Variants in SLC2A14 observed in about 807,000 individuals in gnomAD.
The protein encoded by SLC2A14 is solute carrier family 2, facilitated glucose transporter member 14.
A neutral mutation model predicts 43.0 loss-of-function variants in SLC2A14; 13 were observed. That is an observed-to-expected ratio of 0.30 (90% CI 0.20 to 0.48). The LOEUF is 0.48. Among genes scored for constraint, SLC2A14 ranks in the 20% least tolerant of loss-of-function variants. The pLI is 0.99. For synonymous variants in SLC2A14, 190 were observed against 233.8 expected (o/e 0.81, Z 1.71); for missense variants, 428 against 620.4 (o/e 0.69, Z 3.29).
chr12:7,834,829 G>A (rs1325195690), intron 2 of SLC2A14, among the ~76,000 whole-genome samples: 1 of 152,146 alleles, frequency 6.6e-6, no homozygotes, highest in Admixed American at 6.6e-5. Flanking sequence ...GGCCCCCAAA[G>A]CAACAGAGAT....
intron 2 of SLC2A14, among the ~76,000 whole-genome samples, chr12:7,854,105 CAT>C (rs1867157371): frequency 6.6e-6 from 1 of 151,968 alleles, no homozygotes; most frequent in Non-Finnish European, 1.5e-5. Flanking sequence ...TGATTAGAGT[CAT>C]ATATCTATAG....
chr12:7,838,571 A>G (rs1266272253), intron 2 of SLC2A14, among the ~76,000 whole-genome samples: 1 of 152,160 alleles, frequency 6.6e-6, no homozygotes, highest in Admixed American at 6.6e-5. Context: ...CTCAGTTTGG[A>G]AAAAAATTTG....
At chr12:7,869,242 T>C (rs1168277121) in intron 2 of SLC2A14, among the ~76,000 whole-genome samples, 2 of 152,012 alleles carry the variant, frequency 1.3e-5, no homozygotes, top group Admixed American at 6.6e-5. Context: ...ATGCAAAGCA[T>C]TCAAGATGCG....
intron 4 of SLC2A14, 124 bp downstream of exon 4, chr12:7,831,480 T>G (rs1189658272): frequency 2.2e-5 from 32 of 1,435,386 alleles, no homozygotes; most frequent in Non-Finnish European, 2.8e-5. Context: ...TGGGCTAGTT[T>G]CCCTTGATTA....
At chr12:7,821,525 A>C (rs1463937658) in intron 7 of SLC2A14, among the ~76,000 whole-genome samples, 200 bp from the exon 8 acceptor site, 2 of 152,168 alleles carry the variant, frequency 1.3e-5, no homozygotes, top group African/African-American at 4.8e-5. Context: ...TCTACTAAAA[A>C]TATAAAAATT....
At chr12:7,874,135 G>A (rs1185764847), upstream of SLC2A14, among the ~76,000 whole-genome samples, 5 of 152,022 alleles carry the variant, frequency 3.3e-5, no homozygotes, top group African/African-American at 1.2e-4. Context: ...TGGGAGTTGG[G>A]GTGTGGAGAA....
intron 1 of SLC2A14, chr12:7,872,132 C>G (rs1418099014): frequency 6.5e-6 from 1 of 153,840 alleles, no homozygotes; most frequent in Non-Finnish European, 1.4e-5. Context: ...GGCCTTACTC[C>G]CCTTCTGTCA....
chr12:7,882,186 G>A (rs920202117), intron 1 of SLC2A14, among the ~76,000 whole-genome samples: 11 of 152,028 alleles, frequency 7.2e-5, no homozygotes, highest in East Asian at 1.9e-4. Context: ...GTGAAAGTCT[G>A]TAGCTTTACT....
chr12:7,888,658 C>G (rs896447578), intron 1 of SLC2A14, among the ~76,000 whole-genome samples: 4 of 151,826 alleles, frequency 2.6e-5, no homozygotes, highest in Non-Finnish European at 5.9e-5. Context: ...ATTAGCCAGG[C>G]GTGGTGGTGC....
chr12:7,846,551 A>C (rs1213292211), intron 2 of SLC2A14, among the ~76,000 whole-genome samples: 1 of 151,998 alleles, frequency 6.6e-6, no homozygotes, highest in African/African-American at 2.4e-5. Flanking sequence ...TATCACTTAA[A>C]GTATGGTGTC....
intron 2 of SLC2A14, among the ~76,000 whole-genome samples, chr12:7,849,025 T>C (rs1283253308): frequency 1.3e-5 from 2 of 151,986 alleles, no homozygotes; most frequent in African/African-American, 4.8e-5. Context: ...GGCTAATTTT[T>C]GTATTTTTAG....
At chr12:7,841,490 A>G (rs1237024552) in intron 2 of SLC2A14, among the ~76,000 whole-genome samples, 2 of 152,016 alleles carry the variant, frequency 1.3e-5, no homozygotes, top group Non-Finnish European at 2.9e-5. Context: ...TGAACTCCTG[A>G]CCTCAGAAGA....
In SLC2A14 at chr12:7,890,409, C is replaced by A. The variant is rs187236957; in HGVS notation, c.132+587G>T. Among the ~76,000 whole-genome samples, 3 of 152,230 alleles carry A rather than the reference C, an allele frequency of 2.0e-5. No individual in the cohort carries two copies. In the East Asian group the frequency reaches 5.8e-4, roughly 29 times the overall value. ...TCCTTCTCAGATCACTGAAGATCGTCCAGTCTTCCCTGCCCATCCCTTCCC... is the reference window on the plus strand; with the variant it reads ...TCCTTCTCAGATCACTGAAGATCGTACAGTCTTCCCTGCCCATCCCTTCCC... On this transcript the variant is annotated intron_variant, in intron 1 of 9. Coordinates refer to the SLC2A14 transcript ENST00000539924.
rs112149113 is a variant in SLC2A14, at chr12:7,880,475, C to CAAAAA, written c.132+10516_132+10520dup. Among the ~76,000 whole-genome samples, 749 of 145,648 alleles carry CAAAAA rather than the reference C, an allele frequency of 5.1e-3. 11 individuals are homozygous for CAAAAA. The highest frequency in any genetic ancestry group is 0.017 in the African/African-American group (674 of 39,584). On this transcript the variant is annotated intron_variant, in intron 1 of 9. Coordinates refer to the SLC2A14 transcript ENST00000539924. ...AGGCAACAAAGCAAGACTCTTGTCTCAAAAAAAAAAAATACTGATTAATCA... is the reference window on the plus strand; with the variant it reads ...AGGCAACAAAGCAAGACTCTTGTCTCAAAAAAAAAAAAAAAAATACTGATTAATCA...
rs748560731 is a variant in SLC2A14, at chr12:7,828,726, T to C, written c.654A>G (p.Lys218=). Reference sequence around the variant, plus strand: ...CACTCCGCGTAGCATTCTCCTCTTTTTTTCTGTTAATGAGCAAAAATCTGG... The same window carrying C: ...CACTCCGCGTAGCATTCTCCTCTTTCTTTCTGTTAATGAGCAAAAATCTGG... The part of the protein sequence containing the change: ...ESPRFLLINR[K]KEENATRILQ... The change falls in exon 6 of 11, where the codon AAA becomes AAG. Residue 218 remains lysine (K), a synonymous_variant. Coordinates refer to ENST00000431042, the MANE Select transcript of SLC2A14 (RefSeq NM_001286234.2). 6 of 1,613,970 alleles carry C rather than the reference T, an allele frequency of 3.7e-6. No homozygotes were observed. Among genetic ancestry groups the C allele is most frequent in the Admixed American group, 1.7e-5 (1 of 59,990 alleles).
intron 1 of SLC2A14, chr12:7,872,135 TTC>T (rs1945268412): frequency 6.5e-6 from 1 of 153,384 alleles, no homozygotes; most frequent in African/African-American, 2.4e-5. Flanking sequence ...CTTACTCCCC[TTC>T]TGTCACACTT....
At chr12:7,826,861 TTTTCTTTCTTTCTTTCTTTCTTTC>T (rs71038779) in intron 7 of SLC2A14, among the ~76,000 whole-genome samples, 9 of 60,312 alleles carry the variant, frequency 1.5e-4, no homozygotes, top group African/African-American at 7.1e-4. Context: ...TTCCTTTCTT[TTTTCTTTCTTTCTTTCTTTCTTTC>T]TTTCTTTCTT....
At chr12:7,863,467 A>T (rs754683734) in intron 2 of SLC2A14, 3 of 451,398 alleles carry the variant, frequency 6.6e-6, no homozygotes, top group African/African-American at 2.0e-5. Context: ...TCTATTAAAA[A>T]TACAAAAAAA....
chr12:7,841,231 T>A (rs949188164), intron 2 of SLC2A14, among the ~76,000 whole-genome samples: 1 of 152,144 alleles, frequency 6.6e-6, no homozygotes, highest in African/African-American at 2.4e-5. Context: ...ACATTTGCAT[T>A]AGTGTGATAC....
Sources: gnomAD v4.1 joint callset for allele counts (sites outside exome capture counted in the v4.1 genomes callset) on GRCh38, gnomAD v4.1.1 for gene constraint, MANE v1.5 for transcripts, NCBI Gene and HGNC (gene_info 2026-07-23, HGNC 2026-07-21) for gene names.